DPYS: variants seen among roughly 807,000 people sequenced by gnomAD.
DPYS encodes dihydropyrimidinase, also known as dihydropyrimidine amidohydrolase.
DPYS carries 39 observed loss-of-function variants against 50.3 expected under a neutral mutation model. That is an observed-to-expected ratio of 0.78 (90% CI 0.60 to 1.01). The LOEUF (loss-of-function observed/expected upper bound fraction) is 1.01. Ranked by LOEUF, DPYS falls within the 50% of genes least tolerant of loss-of-function variation. The pLI, the probability that DPYS is intolerant of heterozygous loss-of-function variation, is 0.00. For synonymous variants in DPYS, 245 were observed against 250.7 expected, an observed-to-expected ratio of 0.98 and a Z score of 0.22; for missense variants, 659 against 680.9, an observed-to-expected ratio of 0.97 and a Z score of 0.36.
intron 5 of DPYS, chr8:104,429,226 T>G: frequency 3.2e-6 from 1 of 317,430 alleles, no homozygotes; most frequent in Non-Finnish European, 6.0e-6. Context: ...AGAAAAAAAT[T>G]CAACAATATT....
chr8:104,425,457 G>T (rs1812691456), intron 6 of DPYS, among the ~76,000 whole-genome samples: 1 of 151,198 alleles, frequency 6.6e-6, no homozygotes, highest in South Asian at 2.1e-4. Flanking sequence ...ACATGGTGGG[G>T]TATGCCCCAC....
intron 4 of DPYS, among the ~76,000 whole-genome samples, chr8:104,443,565 G>C (rs1001708160): frequency 5.3e-5 from 8 of 152,122 alleles, no homozygotes; most frequent in Non-Finnish European, 8.8e-5. Flanking sequence ...AAGGGTAGTG[G>C]AGCTGCCTAA....
At chr8:104,439,703 T>A (rs1813279425) in intron 4 of DPYS, among the ~76,000 whole-genome samples, 1 of 152,184 alleles carries the variant, frequency 6.6e-6, no homozygotes, top group Non-Finnish European at 1.5e-5. Flanking sequence ...GAGGATCATC[T>A]GAGCACAGGA....
chr8:104,456,718 G>T (rs933176611), intron 1 of DPYS, among the ~76,000 whole-genome samples: 1 of 152,144 alleles, frequency 6.6e-6, no homozygotes, highest in African/African-American at 2.4e-5. Flanking sequence ...CAAACAAAAT[G>T]GATTTAGCTT....
chr8:104,449,733 C>A (rs1049648564), intron 2 of DPYS, among the ~76,000 whole-genome samples: 4 of 152,176 alleles, frequency 2.6e-5, no homozygotes, highest in African/African-American at 9.7e-5. Flanking sequence ...TGGGATGATG[C>A]TTCTACAAGA....
At position 104,391,206 on chromosome 8, in the gene DPYS, T is replaced by A. The variant is rs561590426; in HGVS notation, c.1443+1578A>T. On this transcript the variant is annotated intron_variant, in intron 8 of 9. Transcript: ENST00000351513. ...GACTCTGAGAATCCACAAGTAAAAA[T>A]TTTTCATAAGACATTAAAGGAGAAA... Among the ~76,000 whole-genome samples, 98 of 151,946 alleles carry A rather than the reference T, an allele frequency of 6.4e-4. 3 individuals are homozygous for A. The South Asian group carries it at 0.02, about 31-fold the overall frequency.
chr8:104,392,413 C>T (rs539999670), intron 8 of DPYS, among the ~76,000 whole-genome samples: 1 of 152,302 alleles, frequency 6.6e-6, no homozygotes, highest in Admixed American at 6.5e-5. Flanking sequence ...CTCTCCCAAT[C>T]TTTTCCAGCC....
intron 7 of DPYS, among the ~76,000 whole-genome samples, chr8:104,412,267 C>T (rs774985090): frequency 2.6e-5 from 4 of 152,166 alleles, no homozygotes; most frequent in Admixed American, 6.5e-5. Context: ...GGACAGAATG[C>T]GCAATCTGTT....
intron 1 of DPYS, among the ~76,000 whole-genome samples, chr8:104,455,406 T>A (rs1280314927): frequency 6.6e-6 from 1 of 152,160 alleles, no homozygotes; most frequent in African/African-American, 2.4e-5. Flanking sequence ...GGGCAATGAT[T>A]GTTTTCAGTT....
At chr8:104,417,545 G>T (rs1279724274) in intron 7 of DPYS, among the ~76,000 whole-genome samples, 1 of 152,174 alleles carries the variant, frequency 6.6e-6, no homozygotes, top group African/African-American at 2.4e-5. Context: ...CTACAGAAAT[G>T]GGTCAGACAT....
intron 3 of DPYS, 23 bp downstream of exon 3, chr8:104,447,301 A>G: frequency 6.2e-7 from 1 of 1,613,898 alleles, no homozygotes; most frequent in East Asian, 2.2e-5. Context: ...TTTCTGTAGA[A>G]GCTTTGGAAT....
rs1811973236 is a variant in DPYS, at chr8:104,405,707, T to C, written c.1236-12716A>G. 1.3e-5 allele frequency among the ~76,000 whole-genome samples: 2 copies of C among 152,250 alleles called. 1 individual carries two copies. The highest frequency in any genetic ancestry group is 2.9e-5 in the Non-Finnish European group (2 of 68,040). ...AATGTAGTCACTGTAACATCACCTCTGTCTGCCTGGAGCAGGCACAAGGCT... is the reference window on the plus strand; with the variant it reads ...AATGTAGTCACTGTAACATCACCTCCGTCTGCCTGGAGCAGGCACAAGGCT... On this transcript the variant is annotated intron_variant, in intron 7 of 9. Coordinates refer to ENST00000351513, the MANE Select transcript of DPYS (RefSeq NM_001385.3).
chr8:104,401,379 C>A (rs557153926), intron 7 of DPYS, among the ~76,000 whole-genome samples: 1 of 151,432 alleles, frequency 6.6e-6, no homozygotes, highest in East Asian at 1.9e-4. Flanking sequence ...ATAACACTCA[C>A]CCCAGTTTAC....
intron 1 of DPYS, among the ~76,000 whole-genome samples, chr8:104,461,092 TG>T (rs1416806429): frequency 6.9e-6 from 1 of 144,956 alleles, no homozygotes; most frequent in Non-Finnish European, 1.5e-5. Flanking sequence ...GAGATCAGCC[TG>T]GGCAACATAG....
chr8:104,463,852 A>G (rs2140782840), intron 1 of DPYS, among the ~76,000 whole-genome samples: 1 of 152,324 alleles, frequency 6.6e-6, no homozygotes, highest in Non-Finnish European at 1.5e-5. Flanking sequence ...AGAAGACAAA[A>G]TAACTCTATA....
At chr8:104,403,441 GCCACCATCTTGGAAGCAGC>G (rs1811892774) in intron 7 of DPYS, among the ~76,000 whole-genome samples, 1 of 152,056 alleles carries the variant, frequency 6.6e-6, no homozygotes, top group African/African-American at 2.4e-5. Context: ...GAAGCAGCCT[GCCACCATCTTGGAAGCAGC>G]CTGCCACCAT....
rs568844820 is a variant in DPYS at position 104,418,525 on chromosome 8, G to C, written c.1235+5722C>G. On this transcript the variant is annotated intron_variant, in intron 7 of 9. Transcript: ENST00000351513. ...TCTATTTAAAATTGCCTCTGTCTGT[G>C]ATAAACACAATTAAAAGTGGAGACA... 7.9e-5 allele frequency among the ~76,000 whole-genome samples: 12 copies of C among 152,130 alleles called. 1 individual carries two copies. The highest frequency in any genetic ancestry group is 1.6e-4 in the Non-Finnish European group (11 of 68,020).
chr8:104,464,473 A>G (rs1814280856), intron 1 of DPYS, among the ~76,000 whole-genome samples: 1 of 152,208 alleles, frequency 6.6e-6, no homozygotes, highest in Non-Finnish European at 1.5e-5. Flanking sequence ...CTCAGCTGTA[A>G]GAGGGAGAAT....
At chr8:104,413,140 A>G (rs1419756792) in intron 7 of DPYS, among the ~76,000 whole-genome samples, 7 of 152,210 alleles carry the variant, frequency 4.6e-5, no homozygotes, top group African/African-American at 1.2e-4. Context: ...AACAACCTGA[A>G]TGTCCACCAG....
Sources: allele counts gnomAD v4.1 joint callset (sites outside exome capture counted in the v4.1 genomes callset), GRCh38; gene constraint gnomAD v4.1.1; transcripts MANE v1.5; gene names NCBI Gene and HGNC (gene_info 2026-07-23, HGNC 2026-07-21).